The following MAGI2 variants were observed in gnomAD, a reference collection of about 807,000 sequenced individuals.
The protein encoded by MAGI2 is membrane associated guanylate kinase, WW and PDZ domain containing 2.
In MAGI2, 35 loss-of-function variants were observed where a neutral mutation model predicts 133.3. The ratio of observed to expected loss-of-function variants is 0.26; its 90% CI spans 0.20 to 0.35. The LOEUF is 0.35. MAGI2 is among the 10% of genes least tolerant of loss of function. MAGI2 has a pLI of 1.00. For synonymous variants in MAGI2, 729 were observed against 710.6 expected (o/e 1.03, Z -0.41); for missense variants, 1,636 against 1,863.4 (o/e 0.88, Z 2.25).
At chr7:78,112,310 C>G (rs772151374) in intron 20 of MAGI2, among the ~76,000 whole-genome samples, 1 of 152,092 alleles carries the variant, frequency 6.6e-6, no homozygotes, top group Non-Finnish European at 1.5e-5. Context: ...TTGTCATCCA[C>G]GTTTGGTGAG....
intron 1 of MAGI2, among the ~76,000 whole-genome samples, chr7:79,452,076 G>A (rs1262423692): frequency 6.6e-6 from 1 of 151,428 alleles, no homozygotes; most frequent in Non-Finnish European, 1.5e-5. Context: ...GGAGCTGAGG[G>A]AGCCTGGGCT....
At chr7:78,416,612 T>C (rs1028560193) in intron 6 of MAGI2, among the ~76,000 whole-genome samples, 4 of 152,162 alleles carry the variant, frequency 2.6e-5, no homozygotes, top group African/African-American at 9.7e-5. Flanking sequence ...AAATGAAGTA[T>C]AGTTGTAAAC....
Position 79,300,620 on chromosome 7 carries a change from G to A in MAGI2, c.301+152400C>T, listed in dbSNP as rs992812206. Among the ~76,000 whole-genome samples, 3 of 152,154 alleles carry A rather than the reference G, an allele frequency of 2.0e-5. No homozygotes were observed. In the East Asian group the frequency reaches 5.8e-4, roughly 29 times the overall value. On this transcript the variant is annotated intron_variant, in intron 1 of 21. Transcript: ENST00000354212. ...AAAAATTGGGAAAATTTGCAGCCTG[G>A]TCATGTATCAGAAAAAGTAAAAGCC...
At position 79,028,227 on chromosome 7, in the gene MAGI2, A is replaced by G. The variant is rs935359333; in HGVS notation, c.302-21021T>C. 7.5e-4 allele frequency among the ~76,000 whole-genome samples: 39 copies of G among 51,800 alleles called. 1 individual carries two copies. Among genetic ancestry groups the G allele is most frequent in the African/African-American group, 2.6e-3 (38 of 14,656 alleles). The allele number at this position is 51,800 out of a possible 152,430, so 34.0% of individuals were successfully genotyped here. ...CTCCATCTCAAAAAAATATATATAT[A>G]TATGTATGTATATATATATATATAT... On this transcript the variant is annotated intron_variant, in intron 1 of 21. Coordinates refer to ENST00000354212, the MANE Select transcript of MAGI2 (RefSeq NM_012301.4).
At chr7:78,164,988 T>C (rs1268184662) in intron 15 of MAGI2, among the ~76,000 whole-genome samples, 1 of 152,230 alleles carries the variant, frequency 6.6e-6, no homozygotes, top group African/African-American at 2.4e-5. Flanking sequence ...TAAGGCATCT[T>C]CTCTCAAAAC....
chr7:78,364,621 C>T (rs561208353), intron 7 of MAGI2, among the ~76,000 whole-genome samples: 11 of 152,316 alleles, frequency 7.2e-5, no homozygotes, highest in African/African-American at 2.6e-4. Flanking sequence ...GTTTGCTTCT[C>T]TGTCTCTGCC....
chr7:78,217,012 C>G (rs1202922686), intron 10 of MAGI2, among the ~76,000 whole-genome samples: 1 of 152,152 alleles, frequency 6.6e-6, no homozygotes, highest in Admixed American at 6.6e-5. Flanking sequence ...CACAGACATG[C>G]ACACAGGGGA....
rs148861145 is a variant in MAGI2, at chr7:78,213,527, C to T, written c.2048-12334G>A. 6.0e-4 allele frequency among the ~76,000 whole-genome samples: 91 copies of T among 152,302 alleles called. 1 individual carries two copies. The highest frequency in any genetic ancestry group is 2.0e-3 in the African/African-American group (82 of 41,566). ...GTTAAGTTTAGCCTAAAGCTGCCTC[C>T]TTACCTATTTTAAGTTCAGCCTAAG... is the stretch of plus-strand genomic sequence containing the variant. On this transcript the variant is annotated intron_variant, in intron 10 of 21. Coordinates refer to ENST00000354212, the MANE Select transcript of MAGI2 (RefSeq NM_012301.4).
chr7:78,987,611 A>G (rs538936296), intron 2 of MAGI2, among the ~76,000 whole-genome samples: 5 of 152,198 alleles, frequency 3.3e-5, no homozygotes, highest in African/African-American at 4.8e-5. Context: ...AAATTCACAG[A>G]CAACTATGGA....
At chr7:78,444,300 T>C (rs546847232) in intron 6 of MAGI2, among the ~76,000 whole-genome samples, 1 of 152,208 alleles carries the variant, frequency 6.6e-6, no homozygotes, top group Admixed American at 6.6e-5. Flanking sequence ...CTAAAACTTA[T>C]GGAATAGAGA....
At chr7:79,040,860 T>C (rs1490452380) in intron 1 of MAGI2, among the ~76,000 whole-genome samples, 2 of 152,210 alleles carry the variant, frequency 1.3e-5, no homozygotes, top group Admixed American at 6.5e-5. Context: ...ACCTCTTTCC[T>C]TTATAAATTA....
chr7:78,626,259 T>C (rs1808330558), intron 3 of MAGI2, among the ~76,000 whole-genome samples: 1 of 152,210 alleles, frequency 6.6e-6, no homozygotes, highest in Non-Finnish European at 1.5e-5. Flanking sequence ...TTTTTAGTTA[T>C]AATTTCATTA....
chr7:78,380,311 T>C (rs548506324), intron 6 of MAGI2, among the ~76,000 whole-genome samples: 6 of 151,972 alleles, frequency 3.9e-5, no homozygotes, highest in African/African-American at 1.4e-4. Context: ...AAGGAAGCAA[T>C]AGTAAAAATA....
chr7:78,215,590 A>C (rs1034242452), intron 10 of MAGI2, among the ~76,000 whole-genome samples: 1 of 152,042 alleles, frequency 6.6e-6, no homozygotes, highest in African/African-American at 2.4e-5. Flanking sequence ...TAAAATGGAG[A>C]TGGAAAACGA....
At chr7:79,172,066 C>T (rs1825675637) in intron 1 of MAGI2, among the ~76,000 whole-genome samples, 1 of 151,700 alleles carries the variant, frequency 6.6e-6, no homozygotes, top group African/African-American at 2.4e-5. Context: ...AACTGTGATT[C>T]TTGTGCAAGT....
intron 1 of MAGI2, among the ~76,000 whole-genome samples, chr7:79,430,269 A>C (rs1005176454): frequency 1.3e-5 from 2 of 152,112 alleles, no homozygotes; most frequent in African/African-American, 4.8e-5. Context: ...CAGGATTTTT[A>C]GTTACCCTTC....
chr7:78,685,472 T>G (rs116730433), intron 2 of MAGI2, among the ~76,000 whole-genome samples: 7,555 of 149,786 alleles, frequency 0.05, 281 homozygotes, highest in Non-Finnish European at 0.077. Context: ...TGTCGTTTTT[T>G]TTTTTTTTAA....
chr7:79,191,877 A>G (rs1439256425), intron 1 of MAGI2, among the ~76,000 whole-genome samples: 1 of 151,752 alleles, frequency 6.6e-6, no homozygotes, highest in Non-Finnish European at 1.5e-5. Flanking sequence ...CCAGTGTTAA[A>G]TGGATTTGGT....
chr7:78,648,685 A>G (rs1217551323), intron 2 of MAGI2, among the ~76,000 whole-genome samples: 2 of 152,192 alleles, frequency 1.3e-5, no homozygotes, highest in Non-Finnish European at 1.5e-5. Flanking sequence ...AGTGATTTTA[A>G]TGTCTACCAG....
Sources: allele counts gnomAD v4.1 joint callset (sites outside exome capture counted in the v4.1 genomes callset), GRCh38; gene constraint gnomAD v4.1.1; transcripts MANE v1.5; gene names NCBI Gene and HGNC (gene_info 2026-07-23, HGNC 2026-07-21).